The following LIMD1 variants were observed in gnomAD, a reference collection of about 807,000 sequenced individuals.
The protein encoded by LIMD1 is LIM domain containing 1, also known as LIM domain-containing protein 1.
Under a neutral mutation model 58.4 loss-of-function variants are expected in LIMD1, and 23 were observed. That is an observed-to-expected ratio of 0.39 (90% CI 0.28 to 0.56). The LOEUF (loss-of-function observed/expected upper bound fraction) is 0.56. LIMD1 is among the 20% of genes least tolerant of loss of function. The pLI is 0.57. For missense variants in LIMD1, 838 were observed against 855.5 expected (o/e 0.98, Z 0.25); for synonymous variants, 334 against 345.5 (o/e 0.97, Z 0.37).
At chr3:45,644,077 G>A (rs905141251) in intron 2 of LIMD1, among the ~76,000 whole-genome samples, 14 of 152,198 alleles carry the variant, frequency 9.2e-5, no homozygotes, top group Admixed American at 8.5e-4. Context: ...TTGGAAGAAA[G>A]CCTTTCTTAG....
chr3:45,595,896 T>G lies in LIMD1; in HGVS notation c.1017T>G (p.Asp339Glu). The G allele has an allele frequency of 6.2e-7, 1 of 1,614,216 alleles. No individual in the cohort carries two copies. Among genetic ancestry groups the G allele is most frequent in the Non-Finnish European group, 8.5e-7 (1 of 1,180,030 alleles). Residue 339 changes from aspartate (D) to glutamate (E), a missense_variant, in exon 1 of 8, where the codon GAT becomes GAG. Around this residue, in one of 3 missense-constraint regions of LIMD1, gnomAD observed 659 missense variants for 639.8 expected, o/e 1.03. Transcript: ENST00000273317. Reference protein sequence around the residue: ...PNVDPQPWFQDGPKSYLSSSA... With the variant: ...PNVDPQPWFQEGPKSYLSSSA... ...TGGACCCCCAACCCTGGTTCCAGGA[T>G]GGGCCCAAATCTTACCTTTCCAGTT...
intron 2 of LIMD1, among the ~76,000 whole-genome samples, chr3:45,640,912 C>T (rs977863596): frequency 2.0e-5 from 3 of 152,244 alleles, no homozygotes; most frequent in Non-Finnish European, 4.4e-5. Flanking sequence ...GTCCCACTTC[C>T]TGTCCAGTTC....
intron 1 of LIMD1, among the ~76,000 whole-genome samples, chr3:45,620,808 TA>T (rs1701622039): frequency 6.6e-6 from 1 of 152,230 alleles, no homozygotes; most frequent in Admixed American, 6.5e-5. Context: ...TATTTCTTCA[TA>T]AAGCTCTTGC....
intron 2 of LIMD1, among the ~76,000 whole-genome samples, chr3:45,648,326 G>A (rs1440877002): frequency 1.3e-5 from 2 of 152,148 alleles, no homozygotes; most frequent in Admixed American, 1.3e-4. Context: ...TATTTCATAT[G>A]AATGAAATCA....
intron 2 of LIMD1, among the ~76,000 whole-genome samples, chr3:45,665,031 TG>T (rs1697498062): frequency 6.6e-6 from 1 of 152,074 alleles, no homozygotes; most frequent in African/African-American, 2.4e-5. Flanking sequence ...TGTTTACCTG[TG>T]TTAGCCTTAT....
intron 1 of LIMD1, among the ~76,000 whole-genome samples, chr3:45,609,700 A>G (rs574714645): frequency 6.6e-6 from 1 of 152,374 alleles, no homozygotes; most frequent in East Asian, 1.9e-4. Flanking sequence ...TCATTCATTC[A>G]GCAGCTATTA....
chr3:45,645,514 C>G (rs576322539), intron 2 of LIMD1, among the ~76,000 whole-genome samples: 4 of 152,122 alleles, frequency 2.6e-5, no homozygotes, highest in East Asian at 1.9e-4. Flanking sequence ...AGTCCCAGAC[C>G]AAGGGTGATA....
intron 7 of LIMD1, among the ~76,000 whole-genome samples, chr3:45,675,990 T>C (rs1252971664): frequency 6.6e-6 from 1 of 152,158 alleles, no homozygotes; most frequent in South Asian, 2.1e-4. Flanking sequence ...TGGTGGCTCA[T>C]GCCTGTAATC....
At chr3:45,668,454 T>C (rs1460764292) in intron 4 of LIMD1, 98 bp downstream of exon 4, 2 of 999,102 alleles carry the variant, frequency 2.0e-6, no homozygotes, top group Non-Finnish European at 3.0e-6. Context: ...GTTTCTTATC[T>C]TGATTTGTGG....
chr3:45,673,551 A>G (rs1368413100), intron 6 of LIMD1, 46 bp downstream of exon 6: 17 of 1,402,812 alleles, frequency 1.2e-5, no homozygotes, highest in African/African-American at 1.4e-5. Flanking sequence ...CTAAGACATG[A>G]ATATCTCCCT....
intron 1 of LIMD1, among the ~76,000 whole-genome samples, chr3:45,627,601 G>C (rs1477823692): frequency 1.3e-5 from 2 of 150,038 alleles, no homozygotes; most frequent in African/African-American, 4.9e-5. Context: ...GACCAACTTG[G>C]TCAACATAGC....
chr3:45,660,407 T>G (rs1697416523), intron 2 of LIMD1, among the ~76,000 whole-genome samples: 3 of 39,548 alleles, frequency 7.6e-5, no homozygotes, highest in Non-Finnish European at 2.7e-4. Flanking sequence ...TGGGCTGTCT[T>G]TTTTTTTTTT....
At chr3:45,609,772 A>C (rs1236727649) in intron 1 of LIMD1, among the ~76,000 whole-genome samples, 1 of 152,216 alleles carries the variant, frequency 6.6e-6, no homozygotes, top group Non-Finnish European at 1.5e-5. Flanking sequence ...TTTGTCACAA[A>C]CAGGTATTGC....
At chr3:45,654,709 G>A (rs13087976) in intron 2 of LIMD1, among the ~76,000 whole-genome samples, 2 of 150,070 alleles carry the variant, frequency 1.3e-5, no homozygotes, top group Admixed American at 6.7e-5. Flanking sequence ...TGGCATCCAC[G>A]TGTGTTCCCA....
At chr3:45,644,282 A>G (rs949105268) in intron 2 of LIMD1, among the ~76,000 whole-genome samples, 3 of 152,208 alleles carry the variant, frequency 2.0e-5, no homozygotes, top group Non-Finnish European at 4.4e-5. Flanking sequence ...TTTTTCTTAC[A>G]AAGTCTAAAT....
chr3:45,596,746 C>T (rs908509932), intron 1 of LIMD1, among the ~76,000 whole-genome samples: 1 of 151,840 alleles, frequency 6.6e-6, no homozygotes, highest in Non-Finnish European at 1.5e-5. Context: ...GTGATTGAGG[C>T]AGGGGCTCTT....
At chr3:45,674,278 A>G (rs1031002535) in intron 6 of LIMD1, 65 bp from the exon 7 acceptor site, 4 of 1,302,698 alleles carry the variant, frequency 3.1e-6, no homozygotes, top group Non-Finnish European at 4.4e-6. Context: ...ACCCCACGGT[A>G]CATCAAGCCC....
Position 45,659,909 on chromosome 3 carries a change from A to T in LIMD1, c.1511-5741A>T, listed in dbSNP as rs17078154. Among the ~76,000 whole-genome samples, 588 of 152,322 alleles carry T rather than the reference A, an allele frequency of 3.9e-3. 5 individuals carry two copies. The highest frequency in any genetic ancestry group is 0.027 in the East Asian group (141 of 5,182). ...CAGTAGCTTATGAAAATATACAGTG[A>T]CAACAATCACAAACACTTAAAAAAT... On this transcript the variant is annotated intron_variant, in intron 2 of 7. Coordinates refer to ENST00000273317, the MANE Select transcript of LIMD1 (RefSeq NM_014240.3).
intron 2 of LIMD1, among the ~76,000 whole-genome samples, chr3:45,654,688 G>A (rs1457171519): frequency 6.6e-6 from 1 of 151,548 alleles, no homozygotes; most frequent in Non-Finnish European, 1.5e-5. Context: ...CAAAAAATTA[G>A]CCAGTCATGG....
Sources: gnomAD v4.1 joint callset for allele counts (sites outside exome capture counted in the v4.1 genomes callset) on GRCh38, gnomAD v4.1.1 for gene constraint, gnomAD v4.1.1 regional missense constraint, MANE v1.5 for transcripts, NCBI Gene and HGNC (gene_info 2026-07-23, HGNC 2026-07-21) for gene names.